The following SLC22A15 variants were observed in gnomAD, a reference collection of about 807,000 sequenced individuals.
The protein encoded by SLC22A15 is flipt 1.
SLC22A15 carries 45 observed loss-of-function variants against 62.7 expected under a neutral mutation model. The observed-to-expected ratio is 0.72, with a 90% confidence interval of 0.56 to 0.92. SLC22A15 has a LOEUF of 0.92. SLC22A15 is among the 40% of genes least tolerant of loss of function. The pLI is 0.00. For synonymous variants in SLC22A15, 264 were observed against 267.0 expected (o/e 0.99, Z 0.11); for missense variants, 622 against 665.6 (o/e 0.93, Z 0.72).
chr1:116,016,822 C>T (rs938721183), intron 2 of SLC22A15, among the ~76,000 whole-genome samples: 3 of 152,178 alleles, frequency 2.0e-5, no homozygotes, highest in African/African-American at 4.8e-5. Flanking sequence ...CAAAATACAT[C>T]CCAAGTCCAT....
intron 2 of SLC22A15, among the ~76,000 whole-genome samples, chr1:116,018,692 T>C (rs1020195841): frequency 6.6e-6 from 1 of 152,236 alleles, no homozygotes. Flanking sequence ...TTTTAATACA[T>C]ACAATGTATA....
chr1:116,003,981 TATCAA>T (rs1655856450), intron 2 of SLC22A15, among the ~76,000 whole-genome samples: 1 of 152,218 alleles, frequency 6.6e-6, no homozygotes, highest in African/African-American at 2.4e-5. Context: ...TCCCAGATAT[TATCAA>T]GGAACTGAAA....
chr1:116,054,462 T>G (rs914763961), intron 8 of SLC22A15, among the ~76,000 whole-genome samples: 16 of 151,926 alleles, frequency 1.1e-4, no homozygotes, highest in African/African-American at 3.9e-4. Flanking sequence ...AATGGGAGAC[T>G]TTAACACCCC....
chr1:116,062,297 G>C (rs1021195382), intron 8 of SLC22A15, among the ~76,000 whole-genome samples: 3 of 152,180 alleles, frequency 2.0e-5, no homozygotes, highest in Admixed American at 6.5e-5. Flanking sequence ...TGAAACACCA[G>C]AGAATGCAAA....
At chr1:115,983,261 C>A (rs1654698805) in intron 1 of SLC22A15, among the ~76,000 whole-genome samples, 1 of 152,086 alleles carries the variant, frequency 6.6e-6, no homozygotes, top group African/African-American at 2.4e-5. Context: ...TTTAAAACTT[C>A]TTTTAAAATT....
In SLC22A15 at chr1:116,027,018, T is replaced by C. The variant is rs771217698; in HGVS notation, c.724T>C (p.Ser242Pro). The C allele has an allele frequency of 5.6e-6, 9 of 1,612,622 alleles. No homozygotes were observed. Among genetic ancestry groups the C allele is most frequent in the Non-Finnish European group, 7.6e-6 (9 of 1,179,450 alleles). Residue 242 changes from serine to proline, a missense_variant, in exon 5 of 12, where the codon TCT becomes CCT. Transcript: ENST00000369503. ...NLQGTVVFLLSLFIPESPRWL... is the reference protein window; with the variant it reads ...NLQGTVVFLLPLFIPESPRWL... ...GCAGGGAACGGTGGTCTTTCTCTTA[T>C]CTTTGTAAGTAGTTTTTCCTCTTAG...
chr1:115,985,334 GC>G (rs1264365286), intron 1 of SLC22A15, among the ~76,000 whole-genome samples: 1 of 152,184 alleles, frequency 6.6e-6, no homozygotes, highest in Non-Finnish European at 1.5e-5. Flanking sequence ...ATGCCATATA[GC>G]CTAGGTGTAT....
chr1:115,981,363 T>A (rs1308637977), intron 1 of SLC22A15, among the ~76,000 whole-genome samples: 1 of 152,172 alleles, frequency 6.6e-6, no homozygotes, highest in Non-Finnish European at 1.5e-5. Flanking sequence ...TTTGAGCAAG[T>A]TTTATGCAGC....
At chr1:116,004,148 A>G (rs1408273640) in intron 2 of SLC22A15, among the ~76,000 whole-genome samples, 3 of 152,210 alleles carry the variant, frequency 2.0e-5, no homozygotes, top group African/African-American at 7.2e-5. Flanking sequence ...AGAGAGACAG[A>G]TTTGAGACTG....
Position 116,037,333 on chromosome 1 carries a change from T to C in SLC22A15, c.1116T>C (p.Phe372=). ...WFGRKRTLSA[F]LCLGGLACLI... is the part of the protein sequence containing the mutation. ...GTCGGAAGCGAACATTATCAGCATT[T>C]CTGTGCCTAGGAGGACTGGCTTGTC... The change falls in exon 8 of 12, where the codon TTT becomes TTC. Residue 372 remains phenylalanine, a synonymous_variant. Transcript: ENST00000369503. The C allele has an allele frequency of 6.2e-7, 1 of 1,613,490 alleles. No individual in the cohort carries two copies. Among genetic ancestry groups the C allele is most frequent in the Non-Finnish European group, 8.5e-7 (1 of 1,179,532 alleles).
At position 115,992,039 on chromosome 1, in the gene SLC22A15, G is replaced by A; in HGVS notation, c.96G>A (p.Val32=). ...FLLAVLLQLY[V]ATEAILIALV... Reference sequence around the variant, plus strand: ...TGTGTTTGCTCTTTCAGCTCTACGTGGCCACGGAGGCCATCCTCATTGCAC... The same window carrying A: ...TGTGTTTGCTCTTTCAGCTCTACGTAGCCACGGAGGCCATCCTCATTGCAC... Residue 32 remains valine (V), a synonymous_variant, in exon 2 of 12, where the codon GTG becomes GTA. Transcript: ENST00000369503. 6.2e-7 allele frequency: 1 copy of A among 1,613,314 alleles called. No homozygotes were observed. Among genetic ancestry groups the A allele is most frequent in the Non-Finnish European group, 8.5e-7 (1 of 1,179,830 alleles).
Position 116,031,409 on chromosome 1 carries a change from C to T in SLC22A15, c.772C>T (p.Leu258=). The T allele has an allele frequency of 6.2e-7, 1 of 1,613,814 alleles. No homozygotes were observed. Among genetic ancestry groups the T allele is most frequent in the African/African-American group, 1.3e-5 (1 of 75,016 alleles). ...SPRWLYSQGR[L]SEAEEALYLI... Reference sequence around the variant, plus strand: ...TCGTTGGTTATACTCCCAGGGTCGACTGAGTGAGGCTGAAGAGGCGCTGTA... The same window carrying T: ...TCGTTGGTTATACTCCCAGGGTCGATTGAGTGAGGCTGAAGAGGCGCTGTA... Residue 258 remains leucine (L), a synonymous_variant, in exon 6 of 12, where the codon CTG becomes TTG. Coordinates refer to ENST00000369503, the MANE Select transcript of SLC22A15 (RefSeq NM_018420.3).
rs543328038 is a variant in SLC22A15 at position 116,043,529 on chromosome 1, T to C, written c.1171+6141T>C. On this transcript the variant is annotated intron_variant, in intron 8 of 11. Coordinates refer to ENST00000369503, the MANE Select transcript of SLC22A15 (RefSeq NM_018420.3). Reference sequence around the variant, plus strand: ...TTTTAAGTATCAGAAAAAAAGAAAGTTTTCAAATTAATGATCTAAGCTTCC... The same window carrying C: ...TTTTAAGTATCAGAAAAAAAGAAAGCTTTCAAATTAATGATCTAAGCTTCC... Among the ~76,000 whole-genome samples, 11 of 152,016 alleles carry C rather than the reference T, an allele frequency of 7.2e-5. No homozygotes were observed. In the East Asian group the frequency reaches 1.5e-3, roughly 21 times the overall value.
intron 2 of SLC22A15, among the ~76,000 whole-genome samples, chr1:115,993,455 GTGTCTGTCTGTC>G (rs1316234571): frequency 6.6e-6 from 1 of 150,800 alleles, no homozygotes; most frequent in African/African-American, 2.5e-5. Flanking sequence ...GTGTGTGTGT[GTGTCTGTCTGTC>G]TGTCTGTCTG....
rs956008474 is a variant in SLC22A15, at chr1:116,035,472, A to G, written c.1085+145A>G. ...TCTGTGGTGATTAGAGTTTCTTTCC[A>G]TCTAAAAACAGTTAGAATTCATTTC... is the stretch of plus-strand genomic sequence containing the variant. On this transcript the variant is annotated intron_variant, in intron 7 of 11. Coordinates refer to ENST00000369503, the MANE Select transcript of SLC22A15 (RefSeq NM_018420.3). 15 of 629,046 alleles carry G rather than the reference A, an allele frequency of 2.4e-5. 1 individual carries two copies. The highest frequency in any genetic ancestry group is 9.5e-5 in the African/African-American group (5 of 52,806). The allele number at this position is 629,046 out of a possible 1,614,324, so 39.0% of individuals were successfully genotyped here.
At chr1:115,981,865 C>T (rs548942669) in intron 1 of SLC22A15, among the ~76,000 whole-genome samples, 9 of 152,250 alleles carry the variant, frequency 5.9e-5, no homozygotes, top group Admixed American at 1.3e-4. Context: ...ATTAAAGTCA[C>T]GAGGACAGGC....
Position 116,031,739 on chromosome 1 carries a change from T to A in SLC22A15, c.944+158T>A, listed in dbSNP as rs1657409765. The A allele has an allele frequency of 3.5e-6, 5 of 1,441,392 alleles. No homozygotes were observed. The South Asian group carries it at 7.6e-5, about 22-fold the overall frequency. The allele number at this position is 1,441,392 out of a possible 1,614,324, so 89.3% of individuals were successfully genotyped here. ...AGTCTCCTGATCCTTAGCGCCTGGT[T>A]TTCTGCTTGCGCAGCCCCGTCTTTC... On this transcript the variant is annotated intron_variant, in intron 6 of 11. Transcript: ENST00000369503.
intron 8 of SLC22A15, among the ~76,000 whole-genome samples, chr1:116,050,757 CA>C (rs1300861953): frequency 3.3e-5 from 5 of 152,118 alleles, no homozygotes; most frequent in African/African-American, 1.2e-4. Flanking sequence ...AAAGGGCATC[CA>C]AATCAGTAAA....
intron 3 of SLC22A15, among the ~76,000 whole-genome samples, chr1:116,020,514 C>T (rs1656771142): frequency 6.6e-6 from 1 of 151,224 alleles, no homozygotes; most frequent in Non-Finnish European, 1.5e-5. Context: ...CGAGATTGTG[C>T]CACTGCACTC....
Sources: gnomAD v4.1 joint callset for allele counts (sites outside exome capture counted in the v4.1 genomes callset) on GRCh38, gnomAD v4.1.1 for gene constraint, MANE v1.5 for transcripts, NCBI Gene and HGNC (gene_info 2026-07-23, HGNC 2026-07-21) for gene names.